LONRF1: variants seen among roughly 807,000 people sequenced by gnomAD.
LONRF1 encodes the protein LON peptidase N-terminal domain and RING finger protein 1.
LONRF1 carries 37 observed loss-of-function variants against 85.8 expected under a neutral mutation model. The ratio of observed to expected loss-of-function variants is 0.43; its 90% CI spans 0.33 to 0.57. LONRF1 has a LOEUF of 0.57. LONRF1 is among the 20% of genes least tolerant of loss of function. The pLI, the probability that LONRF1 is intolerant of heterozygous loss-of-function variation, is 0.04. For synonymous variants in LONRF1, 517 were observed against 390.1 expected, an observed-to-expected ratio of 1.33 and a Z score of -3.83; for missense variants, 1,036 against 978.0, an observed-to-expected ratio of 1.06 and a Z score of -0.79.
chr8:12,734,643 A>G (rs1193675201), intron 7 of LONRF1, among the ~76,000 whole-genome samples: 2 of 152,186 alleles, frequency 1.3e-5, no homozygotes, highest in Non-Finnish European at 2.9e-5. Context: ...TGACTCTACA[A>G]GAAGGGGAAT....
Position 12,735,273 on chromosome 8 carries a change from T to C in LONRF1, c.1566+13A>G. On this transcript the variant is annotated intron_variant, in intron 7 of 11. Coordinates refer to ENST00000398246, the MANE Select transcript of LONRF1 (RefSeq NM_152271.5). ...CTTAAGACCAACAAACAGACACATA[T>C]ACAAATATTTACCTCTTTTAAGCTT... The C allele has an allele frequency of 4.5e-6, 7 of 1,547,040 alleles. No homozygotes were observed. The highest frequency in any genetic ancestry group is 6.2e-6 in the Non-Finnish European group (7 of 1,128,448).
chr8:12,736,986 C>A lies in LONRF1; in HGVS notation c.1268G>T (p.Gly423Val). Reference sequence around the variant, plus strand: ...AGACAACTTTCTTTTCAGCAGAACACCTTTTTCTTGAACTGACAGAACAGG... The same window carrying A: ...AGACAACTTTCTTTTCAGCAGAACAACTTTTTCTTGAACTGACAGAACAGG... ...SEPVLSVQEKGVLLKRKLSLL... is the reference protein window; with the variant it reads ...SEPVLSVQEKVVLLKRKLSLL... The change falls in exon 5 of 12, where the codon GGT becomes GTT. Residue 423 changes from glycine to valine, a missense_variant. Physicochemically the swap from Gly to Val is moderately radical, Grantham distance 109 (BLOSUM62 -3). This residue lies in a region of LONRF1 where 742 missense variants were observed against 614.4 expected (regional missense o/e 1.21). Transcript: ENST00000398246. The A allele has an allele frequency of 6.2e-7, 1 of 1,613,598 alleles. No homozygotes were observed. The highest frequency in any genetic ancestry group is 8.5e-7 in the Non-Finnish European group (1 of 1,179,692).
chr8:12,722,879 C>A lies in LONRF1; in HGVS notation c.*217G>T. On this transcript the variant is annotated 3_prime_UTR_variant, in exon 12 of 12. Coordinates refer to ENST00000398246, the MANE Select transcript of LONRF1 (RefSeq NM_152271.5). ...GCAACTTCACAATGTAGAGGTTCGA[C>A]ACACATTCAATGCGTGTTTTTCTGT... 2.1e-6 allele frequency: 1 copy of A among 476,058 alleles called. No homozygotes were observed. The highest frequency in any genetic ancestry group is 2.8e-5 in the South Asian group (1 of 36,236). The allele number at this position is 476,058 out of a possible 1,614,324, so 29.5% of individuals were successfully genotyped here.
intron 1 of LONRF1, among the ~76,000 whole-genome samples, chr8:12,751,357 A>C (rs1480542114): frequency 2.7e-5 from 3 of 111,110 alleles, no homozygotes; most frequent in Non-Finnish European, 5.0e-5. Flanking sequence ...GGCTGGATGG[A>C]GTGCAGTGGT....
chr8:12,743,585 G>T (rs1260985105), intron 1 of LONRF1, among the ~76,000 whole-genome samples: 1 of 151,994 alleles, frequency 6.6e-6, no homozygotes, highest in Non-Finnish European at 1.5e-5. Flanking sequence ...TTAACAAAGG[G>T]TAGTCTATAA....
intron 7 of LONRF1, 54 bp from the exon 8 acceptor site, chr8:12,731,911 C>G: frequency 6.6e-7 from 1 of 1,523,296 alleles, no homozygotes; most frequent in Non-Finnish European, 9.0e-7. Flanking sequence ...CAGTATAAAA[C>G]AGGCAACACA....
chr8:12,745,824 T>C (rs1194183300), intron 1 of LONRF1, among the ~76,000 whole-genome samples: 2 of 152,234 alleles, frequency 1.3e-5, no homozygotes, highest in Non-Finnish European at 2.9e-5. Flanking sequence ...CTTAACTCTG[T>C]GACCTTATTC....
rs1585270043 is a variant in LONRF1 at position 12,755,071 on chromosome 8, G to C, written c.350C>G (p.Ala117Gly). The C allele has an allele frequency of 6.8e-7, 1 of 1,473,428 alleles. No homozygotes were observed. The highest frequency in any genetic ancestry group is 3.0e-5 in the East Asian group (1 of 33,788). 91.3% of individuals were successfully genotyped at this position (1,473,428 alleles called of 1,614,324 possible). The change falls in exon 1 of 12, where the codon GCC becomes GGC. Residue 117 changes from alanine to glycine, a missense_variant. By Grantham distance (60) the Ala-to-Gly change is moderately conservative (BLOSUM62 0). Coordinates refer to ENST00000398246, the MANE Select transcript of LONRF1 (RefSeq NM_152271.5). ...AAPVAGADGGAGGLLRCLGCR... is the reference protein window; with the variant it reads ...AAPVAGADGGGGGLLRCLGCR... ...GCCCAGGCATCTGAGGAGCCCGCCG[G>C]CGCCGCCGTCAGCGCCTGCAACCGG...
chr8:12,730,094 A>G (rs988464261), intron 8 of LONRF1, among the ~76,000 whole-genome samples: 2 of 152,224 alleles, frequency 1.3e-5, no homozygotes, highest in African/African-American at 2.4e-5. Context: ...ATGAATGTTC[A>G]CTGTAGCAAT....
At chr8:12,740,813 T>C in intron 3 of LONRF1, 61 bp downstream of exon 3, 1 of 1,552,128 alleles carries the variant, frequency 6.4e-7, no homozygotes, top group Non-Finnish European at 8.7e-7. Context: ...TTAGCTTTTT[T>C]TTTTAAACCT....
chr8:12,747,383 C>T (rs1185774564), intron 1 of LONRF1, among the ~76,000 whole-genome samples: 1 of 151,934 alleles, frequency 6.6e-6, no homozygotes, highest in Admixed American at 6.6e-5. Context: ...AAGTTTTTTT[C>T]AAATCACAAA....
chr8:12,752,200 A>G (rs1799435738), intron 1 of LONRF1, among the ~76,000 whole-genome samples: 1 of 152,324 alleles, frequency 6.6e-6, no homozygotes, highest in South Asian at 2.1e-4. Flanking sequence ...AAGATCATTA[A>G]TAACTACAAC....
chr8:12,725,675 A>T lies in LONRF1; in HGVS notation c.2163+52T>A, dbSNP rs528683845. The T allele has an allele frequency of 3.8e-6, 6 of 1,567,748 alleles. No individual in the cohort carries two copies. The African/African-American group carries it at 4.1e-5, about 11-fold the overall frequency. Reference sequence around the variant, plus strand: ...GAGAAAACAAATGTAGAAGTGTGCAAATTTGGGTTTATAAAAAAGTGACTT... The same window carrying T: ...GAGAAAACAAATGTAGAAGTGTGCATATTTGGGTTTATAAAAAAGTGACTT... On this transcript the variant is annotated intron_variant, in intron 11 of 11. Transcript: ENST00000398246.
intron 2 of LONRF1, among the ~76,000 whole-genome samples, 189 bp downstream of exon 2, chr8:12,742,975 C>T (rs768384125): frequency 2.5e-4 from 38 of 152,300 alleles, no homozygotes; most frequent in Non-Finnish European, 3.7e-4. Context: ...ATCCGTCCAA[C>T]TCAGCGTCCC....
At position 12,725,979 on chromosome 8, in the gene LONRF1, C is replaced by G; in HGVS notation, c.2011-100G>C. 4 of 1,065,982 alleles carry G rather than the reference C, an allele frequency of 3.8e-6. No individual in the cohort carries two copies. In the Admixed American group the frequency reaches 8.6e-5, roughly 23 times the overall value. 66.0% of individuals were successfully genotyped at this position (1,065,982 alleles called of 1,614,324 possible). On this transcript the variant is annotated intron_variant, in intron 10 of 11. Transcript: ENST00000398246. The stretch of plus-strand genomic sequence containing the variant: ...GGAAAAAGGGATCAGAAGAACAGGG[C>G]AATACCTGTTTCAGTGCTGACGTCC...
chr8:12,751,688 C>CTTT (rs74275298), intron 1 of LONRF1, among the ~76,000 whole-genome samples: 5 of 140,968 alleles, frequency 3.5e-5, no homozygotes, highest in South Asian at 2.2e-4. Flanking sequence ...ACCTTACAAC[C>CTTT]TTTTTTTTTT....
chr8:12,748,306 T>G (rs1451103194), intron 1 of LONRF1, among the ~76,000 whole-genome samples: 1 of 152,114 alleles, frequency 6.6e-6, no homozygotes, highest in Non-Finnish European at 1.5e-5. Flanking sequence ...CTATGCTCAA[T>G]AGATACTCCA....
intron 1 of LONRF1, among the ~76,000 whole-genome samples, chr8:12,745,264 G>C (rs188990461): frequency 1.0e-3 from 144 of 140,294 alleles, no homozygotes; most frequent in Non-Finnish European, 1.1e-3. Context: ...CTAACTCCTT[G>C]TATGTAATGC....
intron 1 of LONRF1, 95 bp from the exon 2 acceptor site, chr8:12,743,377 G>T: frequency 1.2e-6 from 1 of 808,904 alleles, no homozygotes; most frequent in Non-Finnish European, 2.0e-6. Context: ...ATGACTTAGT[G>T]ATTCCAGGGT....
Sources: gnomAD v4.1 joint callset for allele counts (sites outside exome capture counted in the v4.1 genomes callset) on GRCh38, gnomAD v4.1.1 for gene constraint, gnomAD v4.1.1 regional missense constraint, MANE v1.5 for transcripts, NCBI Gene and HGNC (gene_info 2026-07-23, HGNC 2026-07-21) for gene names.